Variants in NAALAD2 observed in about 807,000 individuals in gnomAD.
NAALAD2 encodes the protein N-acetylated-alpha-linked acidic dipeptidase 2.
In NAALAD2, 89 loss-of-function variants were observed where a neutral mutation model predicts 95.6. The observed-to-expected ratio is 0.93, with a 90% confidence interval of 0.78 to 1.11. The LOEUF (loss-of-function observed/expected upper bound fraction) is 1.11, where lower values mean the gene tolerates loss of function less well. Ranked by LOEUF, NAALAD2 falls within the 50% of genes least tolerant of loss-of-function variation. NAALAD2 has a pLI of 0.00. For missense variants in NAALAD2, 894 were observed against 872.4 expected, an observed-to-expected ratio of 1.02 and a Z score of -0.31; for synonymous variants, 264 against 294.4, an observed-to-expected ratio of 0.90 and a Z score of 1.06.
At chr11:90,143,152 G>A (rs1951665287) in intron 2 of NAALAD2, among the ~76,000 whole-genome samples, 1 of 152,000 alleles carries the variant, frequency 6.6e-6, no homozygotes, top group Admixed American at 6.6e-5. Context: ...AGTATTTCAT[G>A]TTTCTTAGGT....
At chr11:90,152,241 A>G (rs1951907534) in intron 5 of NAALAD2, 57 bp from the exon 6 acceptor site, 1 of 1,449,208 alleles carries the variant, frequency 6.9e-7, no homozygotes, top group South Asian at 1.4e-5. Flanking sequence ...TCTTTCTTAT[A>G]TGAATAAGCC....
intron 18 of NAALAD2, among the ~76,000 whole-genome samples, chr11:90,185,576 G>A (rs1211925137): frequency 6.6e-6 from 1 of 152,008 alleles, no homozygotes; most frequent in Non-Finnish European, 1.5e-5. Context: ...GTAAGGCAGG[G>A]GGATTGCTTG....
intron 2 of NAALAD2, among the ~76,000 whole-genome samples, chr11:90,142,635 G>T (rs564402150): frequency 3.7e-4 from 57 of 152,080 alleles, no homozygotes; most frequent in African/African-American, 1.3e-3. Flanking sequence ...TCTGTGGGCC[G>T]CATATAATAG....
At chr11:90,167,110 C>G (rs1345087034) in intron 11 of NAALAD2, among the ~76,000 whole-genome samples, 1 of 152,232 alleles carries the variant, frequency 6.6e-6, no homozygotes, top group Non-Finnish European at 1.5e-5. Context: ...AGCCCTTCAG[C>G]CCGCCGCTGC....
At chr11:90,156,195 G>T (rs2134893190) in intron 6 of NAALAD2, among the ~76,000 whole-genome samples, 1 of 151,842 alleles carries the variant, frequency 6.6e-6, no homozygotes, top group South Asian at 2.1e-4. Flanking sequence ...GGGTTTCATT[G>T]ATTATCTTTA....
intron 18 of NAALAD2, among the ~76,000 whole-genome samples, chr11:90,189,048 A>G (rs1020514309): frequency 1.3e-5 from 2 of 152,248 alleles, no homozygotes; most frequent in South Asian, 2.1e-4. Flanking sequence ...GGTGGTCCCA[A>G]TGATGCAGTC....
At position 90,150,487 on chromosome 11, in the gene NAALAD2, T is replaced by C; in HGVS notation, c.489T>C (p.Asp163=). The C allele has an allele frequency of 6.2e-7, 1 of 1,600,326 alleles. No homozygotes were observed. The highest frequency in any genetic ancestry group is 8.5e-7 in the Non-Finnish European group (1 of 1,171,184). Reference sequence around the variant, plus strand: ...ATATTTTCTTTTCCCTATAGGGAGATCTTGTATATGTGAACTATGCTCGCA... The same window carrying C: ...ATATTTTCTTTTCCCTATAGGGAGACCTTGTATATGTGAACTATGCTCGCA... ...AFSAQGMPEG[D]LVYVNYARTE... The change falls in exon 5 of 19, where the codon GAT becomes GAC. Residue 163 remains aspartate, a synonymous_variant. Coordinates refer to ENST00000534061, the MANE Select transcript of NAALAD2 (RefSeq NM_005467.4).
At chr11:90,179,733 T>C (rs1057071268) in intron 16 of NAALAD2, among the ~76,000 whole-genome samples, 2 of 151,908 alleles carry the variant, frequency 1.3e-5, no homozygotes, top group African/African-American at 2.4e-5. Context: ...GAATGATCTT[T>C]TATCAGTTTT....
At chr11:90,178,495 C>A (rs938988693) in intron 16 of NAALAD2, among the ~76,000 whole-genome samples, 1 of 151,984 alleles carries the variant, frequency 6.6e-6, no homozygotes, top group African/African-American at 2.4e-5. Flanking sequence ...TATGGTGAAA[C>A]CGCGTCTCTA....
intron 3 of NAALAD2, among the ~76,000 whole-genome samples, chr11:90,148,108 C>T (rs901683659): frequency 1.3e-5 from 2 of 152,034 alleles, no homozygotes; most frequent in African/African-American, 2.4e-5. Context: ...CTTCAGTTCA[C>T]GGGAGCCAAT....
At chr11:90,177,047 A>G (rs965976413) in intron 15 of NAALAD2, among the ~76,000 whole-genome samples, 14 of 152,224 alleles carry the variant, frequency 9.2e-5, no homozygotes, top group Admixed American at 8.5e-4. Flanking sequence ...AAGGACTGAT[A>G]AGGAGATTGC....
At chr11:90,155,439 A>T (rs1474844325) in intron 6 of NAALAD2, among the ~76,000 whole-genome samples, 23 of 91,316 alleles carry the variant, frequency 2.5e-4, no homozygotes, top group African/African-American at 1.0e-3. Flanking sequence ...TGTAATATAT[A>T]ATATATAATA....
Position 90,184,967 on chromosome 11 carries a change from T to C in NAALAD2, c.2033+1959T>C, listed in dbSNP as rs1304798490. On this transcript the variant is annotated intron_variant, in intron 18 of 18. Coordinates refer to ENST00000534061, the MANE Select transcript of NAALAD2 (RefSeq NM_005467.4). Reference sequence around the variant, plus strand: ...TATTTGCATAGCATTTACATTGTATTAGGTGCTGTAAGCAATCTAGAGCTG... The same window carrying C: ...TATTTGCATAGCATTTACATTGTATCAGGTGCTGTAAGCAATCTAGAGCTG... 2.6e-5 allele frequency among the ~76,000 whole-genome samples: 4 copies of C among 152,266 alleles called. No individual in the cohort carries two copies. The East Asian group carries it at 7.7e-4, about 29-fold the overall frequency.
intron 2 of NAALAD2, among the ~76,000 whole-genome samples, chr11:90,142,380 A>C (rs1263897703): frequency 6.6e-6 from 1 of 152,174 alleles, no homozygotes; most frequent in African/African-American, 2.4e-5. Context: ...TTCAAAACAG[A>C]ATGACCTTTT....
Position 90,134,858 on chromosome 11 carries a change from T to G in NAALAD2, c.82+18T>G. On this transcript the variant is annotated intron_variant, in intron 1 of 18. Transcript: ENST00000534061. ...TATGGTGGGTAAGTGAACAAAACAC[T>G]CTACCCCGACTCCGGGGCTCGTGAT... 6.2e-7 allele frequency: 1 copy of G among 1,612,126 alleles called. No individual in the cohort carries two copies. Among genetic ancestry groups the G allele is most frequent in the Non-Finnish European group, 8.5e-7 (1 of 1,178,248 alleles).
At chr11:90,150,282 T>G (rs959487642) in intron 4 of NAALAD2, among the ~76,000 whole-genome samples, 200 bp from the exon 5 acceptor site, 5 of 152,058 alleles carry the variant, frequency 3.3e-5, no homozygotes, top group Non-Finnish European at 7.4e-5. Context: ...ATAACTCTTA[T>G]ACATTGTCGT....
At chr11:90,147,754 A>T (rs1951781701) in intron 3 of NAALAD2, among the ~76,000 whole-genome samples, 1 of 152,170 alleles carries the variant, frequency 6.6e-6, no homozygotes, top group Non-Finnish European at 1.5e-5. Context: ...GGTAAGTGCT[A>T]TGAAGATTAT....
intron 13 of NAALAD2, among the ~76,000 whole-genome samples, chr11:90,173,317 C>T (rs1249050708): frequency 1.3e-5 from 2 of 152,102 alleles, no homozygotes; most frequent in South Asian, 2.1e-4. Flanking sequence ...ATAGTCCCAG[C>T]GCTAACCCCT....
intron 17 of NAALAD2, 88 bp from the exon 18 acceptor site, chr11:90,182,828 T>A: frequency 1.1e-6 from 1 of 899,896 alleles, no homozygotes; most frequent in Non-Finnish European, 1.7e-6. Flanking sequence ...TAGAAATATA[T>A]TTTCCCAAGC....
Sources: gnomAD v4.1 joint callset for allele counts (sites outside exome capture counted in the v4.1 genomes callset) on GRCh38, gnomAD v4.1.1 for gene constraint, MANE v1.5 for transcripts, NCBI Gene and HGNC (gene_info 2026-07-23, HGNC 2026-07-21) for gene names.